KCNK2: variants seen among roughly 807,000 people sequenced by gnomAD.
The protein encoded by KCNK2 is potassium channel subfamily K member 2.
KCNK2 carries 21 observed loss-of-function variants against 40.5 expected under a neutral mutation model. That is an observed-to-expected ratio of 0.52 (90% confidence interval 0.37 to 0.75). KCNK2 has a LOEUF of 0.75. Among genes scored for constraint, KCNK2 ranks in the 30% least tolerant of loss-of-function variants. The pLI, the probability that KCNK2 is intolerant of heterozygous loss-of-function variation, is 0.00. For missense variants in KCNK2, 399 were observed against 531.6 expected, an observed-to-expected ratio of 0.75 and a Z score of 2.45; for synonymous variants, 191 against 202.2, an observed-to-expected ratio of 0.94 and a Z score of 0.47.
At chr1:215,202,097 ATTG>A (rs1665103598) in intron 6 of KCNK2, among the ~76,000 whole-genome samples, 1 of 152,158 alleles carries the variant, frequency 6.6e-6, no homozygotes, top group African/African-American at 2.4e-5. Context: ...CATATTATTC[ATTG>A]ACTGTAAAAT....
intron 3 of KCNK2, among the ~76,000 whole-genome samples, chr1:215,157,097 T>G (rs565767082): frequency 9.9e-5 from 15 of 152,276 alleles, no homozygotes; most frequent in African/African-American, 3.6e-4. Flanking sequence ...GCCCCTCCTC[T>G]GACACTTGGG....
intron 1 of KCNK2, among the ~76,000 whole-genome samples, chr1:215,038,079 G>T (rs1657446032): frequency 6.6e-6 from 1 of 151,910 alleles, no homozygotes; most frequent in Admixed American, 6.6e-5. Context: ...TAATCTTGGG[G>T]CAAGAGCAGA....
chr1:215,008,130 T>C (rs1168907348), intron 1 of KCNK2, among the ~76,000 whole-genome samples: 3 of 151,372 alleles, frequency 2.0e-5, no homozygotes, highest in Admixed American at 6.6e-5. Context: ...TTTTTTTTTT[T>C]AAGGAAAAGG....
chr1:215,095,145 G>A (rs1295051574), intron 2 of KCNK2, among the ~76,000 whole-genome samples: 1 of 152,028 alleles, frequency 6.6e-6, no homozygotes, highest in Non-Finnish European at 1.5e-5. Flanking sequence ...ACACTTTAAA[G>A]TAAATTATAT....
intron 1 of KCNK2, among the ~76,000 whole-genome samples, chr1:215,019,690 C>T (rs1029374393): frequency 3.3e-5 from 5 of 152,100 alleles, no homozygotes; most frequent in Non-Finnish European, 7.4e-5. Context: ...ACATACAATC[C>T]TTTCTTTGGA....
At chr1:215,139,883 A>G (rs569967787) in intron 3 of KCNK2, among the ~76,000 whole-genome samples, 4 of 152,340 alleles carry the variant, frequency 2.6e-5, no homozygotes, top group Admixed American at 2.6e-4. Flanking sequence ...ATATGTGATT[A>G]ACATAAAAAT....
Position 215,083,194 on chromosome 1 carries a change from T to TCC in KCNK2, c.-184_-183dup, listed in dbSNP as rs201482650. ...CCCGCGATTTCGTTTCTTCTCACGC[T>TCC]CCCCCCCCCGCCCCCTCCCGCGTCC... On this transcript the variant is annotated 5_prime_UTR_variant, in exon 1 of 7. Coordinates refer to ENST00000444842, the MANE Select transcript of KCNK2 (RefSeq NM_001017425.3). The TCC allele has an allele frequency of 2.8e-5, 14 of 502,536 alleles. 1 individual carries two copies. The highest frequency in any genetic ancestry group is 7.5e-5 in the African/African-American group (3 of 39,930). 31.1% of individuals were successfully genotyped at this position (502,536 alleles called of 1,614,324 possible). A position where few individuals can be genotyped will look rare whatever the true frequency, so the allele number is the denominator to read the frequency against.
At chr1:215,219,148 A>G (rs1666072615) in intron 6 of KCNK2, among the ~76,000 whole-genome samples, 1 of 152,224 alleles carries the variant, frequency 6.6e-6, no homozygotes, top group Non-Finnish European at 1.5e-5. Flanking sequence ...AAAGAAGTAC[A>G]TCTTTGATTT....
intron 1 of KCNK2, among the ~76,000 whole-genome samples, chr1:215,051,605 A>G (rs537374067): frequency 5.3e-5 from 8 of 152,310 alleles, no homozygotes; most frequent in African/African-American, 1.9e-4. Context: ...AGGATGCTTG[A>G]CCAGAAACCT....
At chr1:215,079,869 T>C (rs550814230), upstream of KCNK2, among the ~76,000 whole-genome samples, 7 of 152,348 alleles carry the variant, frequency 4.6e-5, no homozygotes, top group African/African-American at 1.7e-4. Context: ...GGGTGGTTTC[T>C]TGATTCTTTC....
chr1:215,097,597 T>G lies in KCNK2; in HGVS notation c.357+10919T>G, dbSNP rs1002360104. Among the ~76,000 whole-genome samples, 6 of 151,998 alleles carry G rather than the reference T, an allele frequency of 3.9e-5. 1 individual carries two copies. The highest frequency in any genetic ancestry group is 2.9e-5 in the Non-Finnish European group (2 of 67,944). ...TATGGTTTCATGCAGTTGCTTTAAT[T>G]TTGACAATTTTCTCTAATGGTTAGT... On this transcript the variant is annotated intron_variant, in intron 2 of 6. Transcript: ENST00000444842.
At chr1:215,115,800 AC>A (rs1252318975) in intron 2 of KCNK2, among the ~76,000 whole-genome samples, 2 of 79,472 alleles carry the variant, frequency 2.5e-5, no homozygotes, top group East Asian at 3.5e-4. Context: ...AGAAAGATAG[AC>A]AAAGATTAAT....
At chr1:215,172,614 C>T (rs77325283) in intron 5 of KCNK2, among the ~76,000 whole-genome samples, 1,988 of 152,258 alleles carry the variant, frequency 0.013, 37 homozygotes, top group African/African-American at 0.043. Context: ...AACATAACCA[C>T]ATCTTAACTA....
At chr1:215,010,900 G>GTA (rs34451194) in intron 1 of KCNK2, among the ~76,000 whole-genome samples, 23,194 of 136,892 alleles carry the variant, frequency 0.17, 2,352 homozygotes, top group South Asian at 0.36. Flanking sequence ...GTGTGTGTAT[G>GTA]TGTGTGTATA....
At chr1:215,009,352 GA>G (rs1329709080) in intron 1 of KCNK2, among the ~76,000 whole-genome samples, 1 of 152,056 alleles carries the variant, frequency 6.6e-6, no homozygotes, top group African/African-American at 2.4e-5. Context: ...TTGCTATCTG[GA>G]AAATTACTGT....
At chr1:215,161,186 T>C (rs1486799977) in intron 3 of KCNK2, among the ~76,000 whole-genome samples, 2 of 152,174 alleles carry the variant, frequency 1.3e-5, no homozygotes, top group South Asian at 4.1e-4. Flanking sequence ...TGAGCATGGA[T>C]ATGATTCTTC....
chr1:215,156,004 T>C (rs1200211779), intron 3 of KCNK2, among the ~76,000 whole-genome samples: 1 of 152,150 alleles, frequency 6.6e-6, no homozygotes, highest in Non-Finnish European at 1.5e-5. Context: ...GTTCTGGAGT[T>C]ATCATTATGA....
At chr1:215,121,544 G>A (rs922748175) in intron 2 of KCNK2, among the ~76,000 whole-genome samples, 3 of 152,074 alleles carry the variant, frequency 2.0e-5, no homozygotes, top group African/African-American at 7.2e-5. Context: ...CAAAGTGCTG[G>A]GATTAAAGGC....
intron 1 of KCNK2, among the ~76,000 whole-genome samples, chr1:215,072,992 T>A (rs1658808408): frequency 6.6e-6 from 1 of 152,160 alleles, no homozygotes; most frequent in African/African-American, 2.4e-5. Flanking sequence ...ATGAGGTCAT[T>A]AGGATAGACC....
Sources: allele counts gnomAD v4.1 joint callset (sites outside exome capture counted in the v4.1 genomes callset), GRCh38; gene constraint gnomAD v4.1.1; transcripts MANE v1.5; gene names NCBI Gene and HGNC (gene_info 2026-07-23, HGNC 2026-07-21).